PDE12: variants seen among roughly 807,000 people sequenced by gnomAD.
The protein encoded by PDE12 is phosphodiesterase 12, also known as 2',5'-phosphodiesterase 12.
A neutral mutation model predicts 45.4 loss-of-function variants in PDE12; 26 were observed. That is an observed-to-expected ratio of 0.57 (90% CI 0.42 to 0.79). The LOEUF (loss-of-function observed/expected upper bound fraction) is 0.79. Among genes scored for constraint, PDE12 ranks in the 30% least tolerant of loss-of-function variants. The pLI is 0.00. For missense variants in PDE12, 668 were observed against 790.0 expected (o/e 0.85, Z 1.85); for synonymous variants, 283 against 323.9 (o/e 0.87, Z 1.36).
chr3:57,596,615 CA>C, the PDE12 span: 1 of 154,758 alleles, frequency 6.5e-6, no homozygotes, highest in African/African-American at 2.4e-5. Context: ...GCTTACATAC[CA>C]ATGGAGTATG....
At chr3:57,615,673 G>A in the PDE12 span, among the ~76,000 whole-genome samples, 2 of 152,008 alleles carry the variant, frequency 1.3e-5, no homozygotes, top group African/African-American at 4.8e-5. Flanking sequence ...GCATGGTGGT[G>A]TGCTCCTGTA....
chr3:57,638,455 C>T, the PDE12 span, among the ~76,000 whole-genome samples: 29 of 149,348 alleles, frequency 1.9e-4, no homozygotes, highest in African/African-American at 6.7e-4. Context: ...GTCAGGAGTT[C>T]GAGACCAGCC....
the PDE12 span, among the ~76,000 whole-genome samples, chr3:57,599,364 C>G: frequency 3.3e-5 from 5 of 152,148 alleles, no homozygotes; most frequent in Non-Finnish European, 5.9e-5. Flanking sequence ...TGACTTTTCT[C>G]TTTAGCTTAG....
At chr3:57,629,615 C>T in the PDE12 span, among the ~76,000 whole-genome samples, 3 of 150,708 alleles carry the variant, frequency 2.0e-5, no homozygotes, top group Non-Finnish European at 4.4e-5. Context: ...GGGTTCACGC[C>T]ATTCTCCTGC....
chr3:57,639,346 A>C, the PDE12 span, among the ~76,000 whole-genome samples: 2 of 152,206 alleles, frequency 1.3e-5, no homozygotes, highest in Non-Finnish European at 2.9e-5. Context: ...TTTGGCAAAC[A>C]GTTTGGTGAT....
At chr3:57,631,931 CCAGGATG>C in the PDE12 span, among the ~76,000 whole-genome samples, 1 of 149,720 alleles carries the variant, frequency 6.7e-6, no homozygotes, top group East Asian at 2.0e-4. Context: ...ACCGTGTTAG[CCAGGATG>C]GTCTTGATCT....
the PDE12 span, among the ~76,000 whole-genome samples, chr3:57,641,371 T>G: frequency 6.9e-6 from 1 of 145,866 alleles, no homozygotes; most frequent in African/African-American, 2.5e-5. Flanking sequence ...TATATAAAGC[T>G]AACATTTTTA....
chr3:57,651,346 T>C, the PDE12 span, among the ~76,000 whole-genome samples: 6 of 152,160 alleles, frequency 3.9e-5, no homozygotes, highest in Non-Finnish European at 8.8e-5. Context: ...GGAGCATCTG[T>C]ACTGATTCAT....
At chr3:57,610,966 C>A in the PDE12 span, among the ~76,000 whole-genome samples, 1 of 152,046 alleles carries the variant, frequency 6.6e-6, no homozygotes, top group Non-Finnish European at 1.5e-5. Flanking sequence ...GGAGGCATCA[C>A]GCTACATGAC....
the PDE12 span, among the ~76,000 whole-genome samples, chr3:57,578,012 C>T: frequency 7.2e-5 from 11 of 152,084 alleles, no homozygotes; most frequent in Non-Finnish European, 1.2e-4. Context: ...AATCGCACCA[C>T]TGCACTGCAG....
the PDE12 span, among the ~76,000 whole-genome samples, chr3:57,601,289 T>C: frequency 1.3e-5 from 2 of 152,102 alleles, no homozygotes; most frequent in African/African-American, 4.8e-5. Context: ...TTTGTATTTT[T>C]AGCAGAGAGG....
chr3:57,595,868 T>C, the PDE12 span, among the ~76,000 whole-genome samples: 14 of 152,012 alleles, frequency 9.2e-5, no homozygotes, highest in Non-Finnish European at 1.5e-4. Context: ...GGAGAATCTC[T>C]TGAACCCGGG....
the PDE12 span, among the ~76,000 whole-genome samples, chr3:57,591,902 A>T: frequency 4.3e-4 from 65 of 152,318 alleles, no homozygotes; most frequent in African/African-American, 1.4e-3. Flanking sequence ...GCTGGGAAGA[A>T]AGGGGAATGG....
chr3:57,580,701 C>G, the PDE12 span, among the ~76,000 whole-genome samples: 1 of 151,970 alleles, frequency 6.6e-6, no homozygotes, highest in Non-Finnish European at 1.5e-5. Flanking sequence ...GTCCTGAAAC[C>G]TACCCTTTAC....
the PDE12 span, chr3:57,600,876 A>T: frequency 1.1e-4 from 17 of 152,124 alleles, no homozygotes; most frequent in Non-Finnish European, 1.6e-4. Flanking sequence ...AAAATATTTT[A>T]AAAATAAAAT....
chr3:57,596,105 G>C, the PDE12 span, among the ~76,000 whole-genome samples: 2 of 152,132 alleles, frequency 1.3e-5, no homozygotes, highest in Non-Finnish European at 2.9e-5. Flanking sequence ...TACAGTAACC[G>C]GGAGCGGTTG....
rs556207572 is a variant in PDE12, at chr3:57,560,528, G to A, written c.*524G>A. 1.3e-4 allele frequency: 70 copies of A among 518,682 alleles called. No individual in the cohort carries two copies. The highest frequency in any genetic ancestry group is 9.5e-4 in the Middle Eastern group (1 of 1,056). The allele number at this position is 518,682 out of a possible 1,614,324, so 32.1% of individuals were successfully genotyped here. On this transcript the variant is annotated 3_prime_UTR_variant, in exon 3 of 3. Transcript: ENST00000311180. ...TTTAGTAGAAATGGGGTTTCGCCAC[G>A]TTGGCCAGGCTGGTCTTGAACTCCT...
At chr3:57,573,964 C>T in the PDE12 span, among the ~76,000 whole-genome samples, 11 of 148,996 alleles carry the variant, frequency 7.4e-5, no homozygotes, top group East Asian at 2.1e-4. Flanking sequence ...TGTTTTGAGA[C>T]GGAGTCTCGC....
At chr3:57,648,476 T>G in the PDE12 span, among the ~76,000 whole-genome samples, 2 of 152,152 alleles carry the variant, frequency 1.3e-5, no homozygotes, top group African/African-American at 4.8e-5. Flanking sequence ...CTCCTTACAC[T>G]GCTTGTTCCC....
Sources: allele counts gnomAD v4.1 joint callset (sites outside exome capture counted in the v4.1 genomes callset), GRCh38; gene constraint gnomAD v4.1.1; transcripts MANE v1.5; gene names NCBI Gene and HGNC (gene_info 2026-07-23, HGNC 2026-07-21).